The following ST8SIA1 variants were observed in gnomAD, a reference collection of about 807,000 sequenced individuals.
ST8SIA1 encodes alpha-N-acetylneuraminide alpha-2,8-sialyltransferase.
Under a neutral mutation model 35.9 loss-of-function variants are expected in ST8SIA1, and 16 were observed. The observed-to-expected ratio is 0.45, with a 90% CI of 0.30 to 0.68. The LOEUF (loss-of-function observed/expected upper bound fraction) is 0.68, where lower values mean the gene tolerates loss of function less well. ST8SIA1 is among the 30% of genes least tolerant of loss of function. ST8SIA1 has a pLI of 0.09. For missense variants in ST8SIA1, 383 were observed against 453.6 expected, an observed-to-expected ratio of 0.84 and a Z score of 1.41; for synonymous variants, 170 against 169.6, an observed-to-expected ratio of 1.00 and a Z score of -0.02.
rs569975214 is a variant in ST8SIA1 at position 22,284,652 on chromosome 12, A to G, written c.381+2497T>C. Among the ~76,000 whole-genome samples, 17 of 152,336 alleles carry G rather than the reference A, an allele frequency of 1.1e-4. No individual in the cohort carries two copies. In the South Asian group the frequency reaches 2.9e-3, roughly 26 times the overall value. On this transcript the variant is annotated intron_variant, in intron 2 of 4. Coordinates refer to ENST00000396037, the MANE Select transcript of ST8SIA1 (RefSeq NM_003034.4). ...CATTGAATTGGTTCTGCCTTTTGCA[A>G]TGGCTGTGCCCATACACAATGATGT... is the stretch of plus-strand genomic sequence containing the variant.
At chr12:22,231,800 C>T (rs538583742) in intron 4 of ST8SIA1, among the ~76,000 whole-genome samples, 6 of 152,072 alleles carry the variant, frequency 3.9e-5, no homozygotes, top group Non-Finnish European at 8.8e-5. Flanking sequence ...GTCTCGATCT[C>T]CTGACCTCAT....
intron 4 of ST8SIA1, among the ~76,000 whole-genome samples, chr12:22,218,736 C>T (rs1865263138): frequency 6.6e-6 from 1 of 151,744 alleles, no homozygotes; most frequent in South Asian, 2.1e-4. Flanking sequence ...AAAAGAATTG[C>T]TTGAACCTGG....
chr12:22,262,507 C>T (rs1047498795), intron 2 of ST8SIA1, among the ~76,000 whole-genome samples: 1 of 152,194 alleles, frequency 6.6e-6, no homozygotes, highest in Non-Finnish European at 1.5e-5. Context: ...ACCTACTCAT[C>T]TTCCAACCCA....
intron 1 of ST8SIA1, 173 bp downstream of exon 1, chr12:22,333,824 C>A: frequency 1.3e-6 from 1 of 783,744 alleles, no homozygotes; most frequent in Non-Finnish European, 2.3e-6. Context: ...GGAAGGAACC[C>A]TGACTAAAGT....
intron 4 of ST8SIA1, among the ~76,000 whole-genome samples, chr12:22,218,047 G>A (rs1041293929): frequency 1.1e-4 from 17 of 152,178 alleles, no homozygotes; most frequent in African/African-American, 2.7e-4. Context: ...ACAAGAAATA[G>A]GCCCGGTGAT....
chr12:22,259,490 CAG>C (rs1865763563), intron 2 of ST8SIA1, among the ~76,000 whole-genome samples: 1 of 149,334 alleles, frequency 6.7e-6, no homozygotes, highest in Admixed American at 6.7e-5. Flanking sequence ...TTTTTTGAGA[CAG>C]AGTCTCCCTC....
chr12:22,285,245 T>A (rs943629646), intron 2 of ST8SIA1, among the ~76,000 whole-genome samples: 4 of 152,210 alleles, frequency 2.6e-5, no homozygotes, highest in Non-Finnish European at 4.4e-5. Context: ...CTTTCCCCTA[T>A]TTCTAACAGA....
At chr12:22,212,053 C>T (rs370990696) in intron 4 of ST8SIA1, among the ~76,000 whole-genome samples, 25 of 152,126 alleles carry the variant, frequency 1.6e-4, no homozygotes, top group African/African-American at 5.1e-4. Context: ...AGGATTATGG[C>T]GTACTTTTAT....
At chr12:22,287,344 C>G in intron 1 of ST8SIA1, 51 bp from the exon 2 acceptor site, 1 of 1,566,190 alleles carries the variant, frequency 6.4e-7, no homozygotes, top group Non-Finnish European at 8.7e-7. Context: ...AAATGAGGAG[C>G]AGATTCATTC....
chr12:22,246,263 C>G (rs1169515785), intron 4 of ST8SIA1, among the ~76,000 whole-genome samples: 1 of 152,136 alleles, frequency 6.6e-6, no homozygotes, highest in Admixed American at 6.5e-5. Flanking sequence ...CCGCTGGTGT[C>G]TGCTGCAGAA....
rs1022389000 is a variant in ST8SIA1, at chr12:22,198,148, C to G, written c.*3404G>C. ...GGGTACTAGTTTTTAGTCTCTTCAC[C>G]CTTCCTTTTGCCCCTATGGATCAGC... is the stretch of plus-strand genomic sequence containing the variant. On this transcript the variant is annotated 3_prime_UTR_variant, in exon 5 of 5. Transcript: ENST00000396037. 1 of 152,040 alleles carries G rather than the reference C, an allele frequency of 6.6e-6. No individual in the cohort carries two copies. The highest frequency in any genetic ancestry group is 2.4e-5 in the African/African-American group (1 of 41,386). 9.4% of individuals were successfully genotyped at this position (152,040 alleles called of 1,614,324 possible).
intron 2 of ST8SIA1, among the ~76,000 whole-genome samples, chr12:22,271,027 A>T (rs1201534861): frequency 2.0e-5 from 3 of 152,142 alleles, no homozygotes; most frequent in Non-Finnish European, 4.4e-5. Flanking sequence ...AGCCTTTTAC[A>T]TGAGGTAGGT....
At chr12:22,259,298 A>T (rs12812546) in intron 2 of ST8SIA1, among the ~76,000 whole-genome samples, 5 of 145,666 alleles carry the variant, frequency 3.4e-5, no homozygotes, top group Admixed American at 1.4e-4. Context: ...GGGTTTTTTT[A>T]AAAAAAGCCA....
intron 4 of ST8SIA1, among the ~76,000 whole-genome samples, chr12:22,216,263 G>A (rs1865232785): frequency 6.6e-6 from 1 of 152,108 alleles, no homozygotes; most frequent in Non-Finnish European, 1.5e-5. Flanking sequence ...CCTGTCAAGG[G>A]GGCATTCTTC....
At chr12:22,265,458 T>C (rs559069359) in intron 2 of ST8SIA1, among the ~76,000 whole-genome samples, 65 of 152,354 alleles carry the variant, frequency 4.3e-4, no homozygotes, top group African/African-American at 1.4e-3. Context: ...GTAGCCCGCC[T>C]GCCTGCATCC....
chr12:22,235,394 G>T (rs999429455), intron 4 of ST8SIA1, among the ~76,000 whole-genome samples: 1 of 152,060 alleles, frequency 6.6e-6, no homozygotes, highest in Non-Finnish European at 1.5e-5. Context: ...TATAAATTTA[G>T]CAATAAAGTC....
At chr12:22,241,379 C>T (rs970029026) in intron 4 of ST8SIA1, among the ~76,000 whole-genome samples, 3 of 152,010 alleles carry the variant, frequency 2.0e-5, no homozygotes, top group Admixed American at 6.6e-5. Context: ...TATCATGAGA[C>T]CTGGCTGTTT....
intron 2 of ST8SIA1, among the ~76,000 whole-genome samples, chr12:22,269,084 C>A (rs765022089): frequency 2.6e-5 from 4 of 152,092 alleles, no homozygotes; most frequent in Non-Finnish European, 5.9e-5. Flanking sequence ...AGGGCCCTGG[C>A]AGACTTAATA....
At chr12:22,245,988 A>G (rs58064755) in intron 4 of ST8SIA1, among the ~76,000 whole-genome samples, 9,082 of 152,244 alleles carry the variant, frequency 0.06, 956 homozygotes, top group African/African-American at 0.21. Flanking sequence ...CTCATCCTAC[A>G]CACTCCTTCA....
Sources: gnomAD v4.1 joint callset for allele counts (sites outside exome capture counted in the v4.1 genomes callset) on GRCh38, gnomAD v4.1.1 for gene constraint, MANE v1.5 for transcripts, NCBI Gene and HGNC (gene_info 2026-07-23, HGNC 2026-07-21) for gene names.